The following NDST4 variants were observed in gnomAD, a reference collection of about 807,000 sequenced individuals.
The protein encoded by NDST4 is N-heparan sulfate sulfotransferase 4.
A neutral mutation model predicts 100.8 loss-of-function variants in NDST4; 63 were observed. The observed-to-expected ratio is 0.62, with a 90% confidence interval of 0.51 to 0.77. The LOEUF is 0.77. Ranked by LOEUF, NDST4 falls within the 30% of genes least tolerant of loss-of-function variation. The pLI is 0.00. For missense variants in NDST4, 943 were observed against 1,018.4 expected (o/e 0.93, Z 1.01); for synonymous variants, 377 against 361.8 (o/e 1.04, Z -0.48).
chr4:114,953,534 C>CT (rs1578410749), intron 4 of NDST4, among the ~76,000 whole-genome samples: 1 of 152,092 alleles, frequency 6.6e-6, no homozygotes, highest in Non-Finnish European at 1.5e-5. Flanking sequence ...TCCAAGAACA[C>CT]ATCAGGAGCA....
chr4:115,102,539 T>A (rs1208000660), intron 1 of NDST4, among the ~76,000 whole-genome samples: 1 of 152,054 alleles, frequency 6.6e-6, no homozygotes, highest in African/African-American at 2.4e-5. Context: ...CCATAGTCTC[T>A]TAGAAGCTAT....
In NDST4 at chr4:115,008,472, G is replaced by A. The variant is rs1243257176; in HGVS notation, c.979-31198C>T. On this transcript the variant is annotated intron_variant, in intron 2 of 13. Coordinates refer to ENST00000264363, the MANE Select transcript of NDST4 (RefSeq NM_022569.3). ...TTCACTTATGAAGCTTAGTTTGGCCGGATATGAAATTCTGGGTTGAAAATT... is the reference window on the plus strand; with the variant it reads ...TTCACTTATGAAGCTTAGTTTGGCCAGATATGAAATTCTGGGTTGAAAATT... 1.0e-4 allele frequency among the ~76,000 whole-genome samples: 13 copies of A among 128,190 alleles called. 3 individuals are homozygous for A. The highest frequency in any genetic ancestry group is 5.0e-4 in the East Asian group (2 of 3,984). 84.1% of individuals were successfully genotyped at this position (128,190 alleles called of 152,430 possible).
chr4:115,016,624 G>T (rs1208232490), intron 2 of NDST4, among the ~76,000 whole-genome samples: 1 of 152,098 alleles, frequency 6.6e-6, no homozygotes, highest in Non-Finnish European at 1.5e-5. Flanking sequence ...TGGCTGTGGT[G>T]ATTGATCCTA....
intron 11 of NDST4, among the ~76,000 whole-genome samples, chr4:114,837,768 CAA>C (rs1054010030): frequency 1.3e-5 from 2 of 152,110 alleles, no homozygotes; most frequent in Admixed American, 1.3e-4. Flanking sequence ...TAGGCATGGG[CAA>C]AGACTTTATG....
chr4:114,842,417 TTCTC>T (rs1723444390), intron 10 of NDST4, among the ~76,000 whole-genome samples: 2 of 151,724 alleles, frequency 1.3e-5, no homozygotes, highest in African/African-American at 2.4e-5. Flanking sequence ...AACCCAGGGA[TTCTC>T]AAACATAGGC....
intron 2 of NDST4, among the ~76,000 whole-genome samples, chr4:114,991,481 AT>A (rs1560847839): frequency 6.6e-6 from 1 of 152,070 alleles, no homozygotes; most frequent in African/African-American, 2.4e-5. Context: ...TTGAAGAACT[AT>A]TTTTTAATAA....
chr4:115,021,000 G>A (rs1250773183), intron 2 of NDST4, among the ~76,000 whole-genome samples: 2 of 152,034 alleles, frequency 1.3e-5, no homozygotes, highest in Non-Finnish European at 2.9e-5. Context: ...GGAAAACAAT[G>A]TGGAGATTCC....
intron 4 of NDST4, among the ~76,000 whole-genome samples, chr4:114,962,809 T>C (rs1726293818): frequency 6.6e-6 from 1 of 151,922 alleles, no homozygotes; most frequent in African/African-American, 2.4e-5. Context: ...GATAAGATGA[T>C]CCTAAAATTC....
At position 115,077,168 on chromosome 4, in the gene NDST4, T is replaced by G; in HGVS notation, c.-132A>C. The G allele has an allele frequency of 1.2e-6, 1 of 857,216 alleles. No homozygotes were observed. The highest frequency in any genetic ancestry group is 1.7e-5 in the African/African-American group (1 of 58,502). 53.1% of individuals were successfully genotyped at this position (857,216 alleles called of 1,614,324 possible). A position where few individuals can be genotyped will look rare whatever the true frequency, so the allele number is the denominator to read the frequency against. ...ACCATCGCAAATCATGTAAAATGTT[T>G]GAAGGGAGCACAACTGAGTTAAAGC... On this transcript the variant is annotated 5_prime_UTR_variant, in exon 2 of 14. Coordinates refer to ENST00000264363, the MANE Select transcript of NDST4 (RefSeq NM_022569.3).
intron 2 of NDST4, among the ~76,000 whole-genome samples, chr4:114,983,352 C>A (rs2126247477): frequency 6.6e-6 from 1 of 152,342 alleles, no homozygotes; most frequent in East Asian, 1.9e-4. Flanking sequence ...AACCACAGGG[C>A]AGAGTTGCCC....
At chr4:114,950,459 G>A (rs1391300337) in intron 4 of NDST4, among the ~76,000 whole-genome samples, 1 of 152,012 alleles carries the variant, frequency 6.6e-6, no homozygotes, top group Non-Finnish European at 1.5e-5. Context: ...CCATGTGGAA[G>A]TTAAGGTTTG....
intron 6 of NDST4, among the ~76,000 whole-genome samples, chr4:114,896,051 AC>A (rs1444467736): frequency 6.6e-6 from 1 of 152,190 alleles, no homozygotes; most frequent in Admixed American, 6.5e-5. Context: ...TGATTCTAAT[AC>A]AAAATATTAA....
intron 6 of NDST4, among the ~76,000 whole-genome samples, chr4:114,924,838 A>G (rs1168108093): frequency 6.6e-6 from 1 of 152,130 alleles, no homozygotes; most frequent in Non-Finnish European, 1.5e-5. Context: ...CAAAGAGAAT[A>G]ATTCCAATGT....
intron 6 of NDST4, among the ~76,000 whole-genome samples, chr4:114,925,697 G>C (rs1399751113): frequency 6.9e-6 from 1 of 145,882 alleles, no homozygotes; most frequent in Non-Finnish European, 1.5e-5. Flanking sequence ...GTGGCCAATA[G>C]AATAGGTGAG....
chr4:114,990,867 C>T (rs1383911211), intron 2 of NDST4, among the ~76,000 whole-genome samples: 1 of 151,994 alleles, frequency 6.6e-6, no homozygotes, highest in Non-Finnish European at 1.5e-5. Context: ...CGCACCGAGG[C>T]ATTTCGCTGT....
intron 7 of NDST4, 122 bp downstream of exon 7, chr4:114,870,646 A>G (rs1724127905): frequency 1.3e-6 from 1 of 749,576 alleles, no homozygotes; most frequent in Non-Finnish European, 1.9e-6. Flanking sequence ...AGTATTGTAT[A>G]AAAGAGGATT....
chr4:114,828,137 C>T (rs933244111), intron 13 of NDST4, among the ~76,000 whole-genome samples: 7 of 151,848 alleles, frequency 4.6e-5, no homozygotes, highest in Admixed American at 3.3e-4. Flanking sequence ...AGAAATAGGA[C>T]CAAGTATATC....
intron 1 of NDST4, among the ~76,000 whole-genome samples, chr4:115,097,751 T>A (rs1170802194): frequency 1.3e-5 from 2 of 152,156 alleles, no homozygotes; most frequent in East Asian, 3.9e-4. Context: ...TCGGCCCTAA[T>A]TTTACTTAGA....
At chr4:114,856,025 T>A (rs923321332) in intron 7 of NDST4, among the ~76,000 whole-genome samples, 2 of 152,122 alleles carry the variant, frequency 1.3e-5, no homozygotes, top group Non-Finnish European at 2.9e-5. Context: ...TATTTTTAAC[T>A]GGAGAGAGAG....
Sources: gnomAD v4.1 joint callset for allele counts (sites outside exome capture counted in the v4.1 genomes callset) on GRCh38, gnomAD v4.1.1 for gene constraint, MANE v1.5 for transcripts, NCBI Gene and HGNC (gene_info 2026-07-23, HGNC 2026-07-21) for gene names.